GXYLT2: variants seen among roughly 807,000 people sequenced by gnomAD.
The protein encoded by GXYLT2 is glycosyltransferase 8 domain containing 4.
A neutral mutation model predicts 45.8 loss-of-function variants in GXYLT2; 53 were observed. The ratio of observed to expected loss-of-function variants is 1.16; its 90% CI spans 0.93 to 1.46. The LOEUF (loss-of-function observed/expected upper bound fraction) is 1.46, where lower values mean the gene tolerates loss of function less well. GXYLT2 is among the 40% of genes most tolerant of loss of function. The pLI is 0.00. For missense variants in GXYLT2, 551 were observed against 544.4 expected, an observed-to-expected ratio of 1.01 and a Z score of -0.12; for synonymous variants, 219 against 214.2, an observed-to-expected ratio of 1.02 and a Z score of -0.19.
At chr3:72,932,948 G>C (rs1710068750) in intron 3 of GXYLT2, among the ~76,000 whole-genome samples, 1 of 152,142 alleles carries the variant, frequency 6.6e-6, no homozygotes, top group Non-Finnish European at 1.5e-5. Context: ...TTTGTAACCA[G>C]AAGAAATAAT....
At chr3:72,889,901 T>TTG (rs1559721696) in intron 1 of GXYLT2, among the ~76,000 whole-genome samples, 1 of 137,550 alleles carries the variant, frequency 7.3e-6, no homozygotes, top group African/African-American at 2.9e-5. Context: ...TTTTGGTTTT[T>TTG]TTTTTGTTTT....
intron 2 of GXYLT2, among the ~76,000 whole-genome samples, chr3:72,915,325 C>T (rs1030340068): frequency 8.7e-5 from 10 of 115,154 alleles, no homozygotes; most frequent in African/African-American, 2.5e-4. Context: ...CATGCCTCTT[C>T]GTTACCCATT....
At position 72,888,352 on chromosome 3, in the gene GXYLT2, C is replaced by A; in HGVS notation, c.119C>A (p.Ala40Glu). The A allele has an allele frequency of 1.0e-6, 1 of 982,906 alleles. No homozygotes were observed. Among genetic ancestry groups the A allele is most frequent in the Non-Finnish European group, 1.2e-6 (1 of 829,940 alleles). The allele number at this position is 982,906 out of a possible 1,614,324, so 60.9% of individuals were successfully genotyped here. The change falls in exon 1 of 7, where the codon GCG becomes GAG. Residue 40 changes from alanine (A) to glutamate (E), a missense_variant. Coordinates refer to ENST00000389617, the MANE Select transcript of GXYLT2 (RefSeq NM_001080393.2). Reference protein sequence around the residue: ...AEPPALPARPASAPQRHPAPV... With the variant: ...AEPPALPARPESAPQRHPAPV... Reference sequence around the variant, plus strand: ...CCCCCAGCGCTGCCCGCGCGCCCCGCGTCCGCCCCGCAGCGCCACCCCGCG... The same window carrying A: ...CCCCCAGCGCTGCCCGCGCGCCCCGAGTCCGCCCCGCAGCGCCACCCCGCG...
At chr3:72,953,665 A>G (rs555631532) in intron 3 of GXYLT2, among the ~76,000 whole-genome samples, 2 of 152,204 alleles carry the variant, frequency 1.3e-5, no homozygotes, top group African/African-American at 4.8e-5. Flanking sequence ...ACAACAGCAG[A>G]TTTGAGGAGT....
chr3:72,911,082 A>G (rs953784720), intron 2 of GXYLT2, among the ~76,000 whole-genome samples: 1 of 152,150 alleles, frequency 6.6e-6, no homozygotes, highest in Non-Finnish European at 1.5e-5. Flanking sequence ...ACCTGAGGTC[A>G]GGAGTTCGAG....
chr3:72,919,004 G>A (rs964141504), intron 2 of GXYLT2, among the ~76,000 whole-genome samples: 5 of 152,232 alleles, frequency 3.3e-5, no homozygotes, highest in African/African-American at 4.8e-5. Flanking sequence ...AGGATGTGGA[G>A]CAACAGGAAC....
chr3:72,895,993 C>T (rs951892705), intron 1 of GXYLT2, among the ~76,000 whole-genome samples: 2 of 152,066 alleles, frequency 1.3e-5, no homozygotes, highest in East Asian at 1.9e-4. Flanking sequence ...AACTGAGATC[C>T]GAGAGGTGAA....
At chr3:72,956,465 TTTCCTTAAGATACC>T (rs1710649101) in intron 4 of GXYLT2, among the ~76,000 whole-genome samples, 1 of 152,206 alleles carries the variant, frequency 6.6e-6, no homozygotes, top group African/African-American at 2.4e-5. Context: ...GAAAGGTGTT[TTTCCTTAAGATACC>T]TGAACTCTGT....
At chr3:72,890,927 G>T (rs553474183) in intron 1 of GXYLT2, among the ~76,000 whole-genome samples, 3 of 152,186 alleles carry the variant, frequency 2.0e-5, no homozygotes, top group Admixed American at 2.0e-4. Flanking sequence ...GAAGTCTCAG[G>T]CTCAAATGCA....
chr3:72,946,277 A>G (rs957768242), intron 3 of GXYLT2, among the ~76,000 whole-genome samples: 10 of 7,294 alleles, frequency 1.4e-3, no homozygotes, highest in African/African-American at 2.1e-3. Context: ...ACCCTGTCTG[A>G]AAAAAAAAAA....
intron 3 of GXYLT2, among the ~76,000 whole-genome samples, chr3:72,947,774 C>G (rs1443762806): frequency 6.6e-6 from 1 of 152,008 alleles, no homozygotes; most frequent in Non-Finnish European, 1.5e-5. Context: ...GCACTTCCAG[C>G]CTGGGCAACA....
intron 1 of GXYLT2, among the ~76,000 whole-genome samples, chr3:72,892,702 G>A (rs909681458): frequency 6.6e-6 from 1 of 152,136 alleles, no homozygotes; most frequent in African/African-American, 2.4e-5. Context: ...TAAAGGTCTC[G>A]CTAAAAAGAG....
intron 1 of GXYLT2, among the ~76,000 whole-genome samples, chr3:72,905,390 G>C (rs1709492368): frequency 6.6e-6 from 1 of 152,182 alleles, no homozygotes; most frequent in East Asian, 1.9e-4. Flanking sequence ...TGGGATTATA[G>C]GCATGAGCCA....
intron 4 of GXYLT2, among the ~76,000 whole-genome samples, chr3:72,956,764 C>T (rs1013990190): frequency 1.3e-5 from 2 of 151,858 alleles, no homozygotes; most frequent in Admixed American, 1.3e-4. Context: ...ATGGCGTGCA[C>T]CCGTAGTCTC....
chr3:72,918,571 TC>T (rs35311066), intron 2 of GXYLT2, among the ~76,000 whole-genome samples: 6 of 152,174 alleles, frequency 3.9e-5, no homozygotes, highest in Non-Finnish European at 7.3e-5. Flanking sequence ...ATGCGTGTAA[TC>T]CTAGCACTTT....
chr3:72,891,202 C>T lies in GXYLT2; in HGVS notation c.275+2694C>T, dbSNP rs559399974. Among the ~76,000 whole-genome samples the T allele has an allele frequency of 7.9e-5, 12 of 152,194 alleles. 1 individual carries two copies. The South Asian group carries it at 1.5e-3, about 18-fold the overall frequency. On this transcript the variant is annotated intron_variant, in intron 1 of 6. Transcript: ENST00000389617. ...TAGAATCCAGAAGAGATGAAGGCTA[C>T]GTGATCTCATTTCTCTGGCCTGGGG...
chr3:72,958,163 A>G (rs1710686601), intron 5 of GXYLT2, among the ~76,000 whole-genome samples: 1 of 151,882 alleles, frequency 6.6e-6, no homozygotes, highest in African/African-American at 2.4e-5. Flanking sequence ...AATCCCAGCT[A>G]CTGGGAGGCT....
intron 1 of GXYLT2, among the ~76,000 whole-genome samples, chr3:72,888,909 A>G (rs984624342): frequency 1.3e-5 from 2 of 152,298 alleles, no homozygotes; most frequent in Admixed American, 1.3e-4. Context: ...GTTGAGTTGG[A>G]AAAGTTAGAT....
intron 3 of GXYLT2, among the ~76,000 whole-genome samples, chr3:72,930,678 T>G (rs1469430133): frequency 2.1e-5 from 3 of 145,088 alleles, no homozygotes; most frequent in Admixed American, 7.2e-5. Context: ...ACTGCAGCCT[T>G]GACCTCCCAG....
Sources: allele counts gnomAD v4.1 joint callset (sites outside exome capture counted in the v4.1 genomes callset), GRCh38; gene constraint gnomAD v4.1.1; transcripts MANE v1.5; gene names NCBI Gene and HGNC (gene_info 2026-07-23, HGNC 2026-07-21).